Variants in CADPS2 observed in about 807,000 individuals in gnomAD.
The protein encoded by CADPS2 is calcium-dependent secretion activator 2.
CADPS2 carries 93 observed loss-of-function variants against 172.5 expected under a neutral mutation model. The ratio of observed to expected loss-of-function variants is 0.54; its 90% CI spans 0.46 to 0.64. The LOEUF (loss-of-function observed/expected upper bound fraction) is 0.64, where lower values mean the gene tolerates loss of function less well. CADPS2 is among the 30% of genes least tolerant of loss of function. CADPS2 has a pLI of 0.00. For synonymous variants in CADPS2, 546 were observed against 555.2 expected (o/e 0.98, Z 0.23); for missense variants, 1,420 against 1,565.9 (o/e 0.91, Z 1.57).
chr7:122,335,783 A>C (rs2035769222), intron 28 of CADPS2, among the ~76,000 whole-genome samples: 1 of 152,220 alleles, frequency 6.6e-6, no homozygotes. Flanking sequence ...TACAAAGTGC[A>C]GTTAAACAAA....
At position 122,709,683 on chromosome 7, in the gene CADPS2, G is replaced by T. The variant is rs182292335; in HGVS notation, c.453+27272C>A. On this transcript the variant is annotated intron_variant, in intron 2 of 29. Transcript: ENST00000449022. ...AAATGTCCAACAATGATAGACTGGA[G>T]TAAGAAAATATGGCATATATACACC... Among the ~76,000 whole-genome samples, 204 of 152,120 alleles carry T rather than the reference G, an allele frequency of 1.3e-3. 2 individuals are homozygous for T. The highest frequency in any genetic ancestry group is 0.013 in the East Asian group (67 of 5,162).
intron 8 of CADPS2, among the ~76,000 whole-genome samples, chr7:122,529,213 AT>A (rs2061545942): frequency 6.6e-6 from 1 of 151,780 alleles, no homozygotes; most frequent in African/African-American, 2.4e-5. Context: ...AGCACAGGAA[AT>A]CAGTACCTTC....
chr7:122,734,374 A>AAAG (rs2091962047), intron 2 of CADPS2, among the ~76,000 whole-genome samples: 13 of 94,512 alleles, frequency 1.4e-4, no homozygotes, highest in Non-Finnish European at 1.7e-4. Context: ...AAAAAAAAAA[A>AAAG]AAAAAAAAAA....
At chr7:122,328,783 T>C (rs1315498390) in intron 28 of CADPS2, among the ~76,000 whole-genome samples, 1 of 152,180 alleles carries the variant, frequency 6.6e-6, no homozygotes, top group Non-Finnish European at 1.5e-5. Context: ...TTATTCACAC[T>C]TATTGTGCAT....
intron 2 of CADPS2, among the ~76,000 whole-genome samples, chr7:122,693,672 G>C (rs1429268707): frequency 6.6e-6 from 1 of 152,202 alleles, no homozygotes; most frequent in African/African-American, 2.4e-5. Context: ...AAGGGAGTAA[G>C]AGGCTGGGCG....
chr7:122,864,061 A>G (rs952176912), intron 1 of CADPS2, among the ~76,000 whole-genome samples: 3 of 150,992 alleles, frequency 2.0e-5, no homozygotes, highest in Non-Finnish European at 4.4e-5. Flanking sequence ...GTAGATAGAG[A>G]TCTTCATGAG....
chr7:122,871,705 C>T (rs1819799495), intron 1 of CADPS2, among the ~76,000 whole-genome samples: 1 of 152,028 alleles, frequency 6.6e-6, no homozygotes, highest in Admixed American at 6.6e-5. Context: ...TTGCAAAATC[C>T]AATTAACATT....
intron 1 of CADPS2, among the ~76,000 whole-genome samples, chr7:122,754,158 T>C (rs1051451815): frequency 6.6e-6 from 1 of 152,220 alleles, no homozygotes; most frequent in Non-Finnish European, 1.5e-5. Context: ...TTAGTTTTCA[T>C]TGCAATTAAT....
At chr7:122,715,607 C>T (rs766373466) in intron 2 of CADPS2, among the ~76,000 whole-genome samples, 6 of 151,984 alleles carry the variant, frequency 3.9e-5, no homozygotes, top group Admixed American at 2.0e-4. Context: ...GCCTGTAAAA[C>T]GAAAGCTGCT....
At chr7:122,688,281 A>G (rs556867351) in intron 2 of CADPS2, among the ~76,000 whole-genome samples, 1 of 152,384 alleles carries the variant, frequency 6.6e-6, no homozygotes, top group South Asian at 2.1e-4. Context: ...AATTCACACC[A>G]GCAAGTGAAA....
intron 14 of CADPS2, among the ~76,000 whole-genome samples, chr7:122,456,354 A>T (rs2053778473): frequency 6.6e-6 from 1 of 152,114 alleles, no homozygotes; most frequent in Admixed American, 6.6e-5. Flanking sequence ...ATTAAATATT[A>T]AAGTGGTTCT....
At chr7:122,325,632 C>T (rs913412108) in intron 28 of CADPS2, 51 bp from the exon 29 acceptor site, 3 of 1,107,180 alleles carry the variant, frequency 2.7e-6, no homozygotes, top group African/African-American at 3.1e-5. Flanking sequence ...AAGAAAACAA[C>T]CTCTGCAGTA....
At chr7:122,768,128 A>T (rs2093609603) in intron 1 of CADPS2, among the ~76,000 whole-genome samples, 1 of 152,170 alleles carries the variant, frequency 6.6e-6, no homozygotes. Flanking sequence ...GTGAGGTTTA[A>T]AGCAGATACC....
chr7:122,773,348 A>G (rs1003546255), intron 1 of CADPS2, among the ~76,000 whole-genome samples: 1 of 152,014 alleles, frequency 6.6e-6, no homozygotes, highest in Non-Finnish European at 1.5e-5. Flanking sequence ...TAATAAATCA[A>G]TCTTTAGAAG....
rs12333763 is a variant in CADPS2, at chr7:122,524,887, G to T, written c.1476-11572C>A. Among the ~76,000 whole-genome samples the T allele has an allele frequency of 3.8e-3, 586 of 152,224 alleles. 5 individuals are homozygous for T. The highest frequency in any genetic ancestry group is 0.013 in the African/African-American group (553 of 41,534). ...TTTGGGGCTGGGTGTGGTGGTTCAC[G>T]CCTATAATCCCAGCACTTCGGAAGG... is the stretch of plus-strand genomic sequence containing the variant. On this transcript the variant is annotated intron_variant, in intron 8 of 29. Coordinates refer to ENST00000449022, the MANE Select transcript of CADPS2 (RefSeq NM_017954.11).
chr7:122,519,377 A>C (rs982057640), intron 8 of CADPS2, among the ~76,000 whole-genome samples: 1 of 151,956 alleles, frequency 6.6e-6, no homozygotes, highest in African/African-American at 2.4e-5. Context: ...TTCCCTTTGA[A>C]CAACAACAAC....
At chr7:122,732,892 A>G (rs1355500750) in intron 2 of CADPS2, among the ~76,000 whole-genome samples, 2 of 146,132 alleles carry the variant, frequency 1.4e-5, no homozygotes, top group Admixed American at 7.0e-5. Context: ...TGTATAATAT[A>G]TATTATATAA....
intron 7 of CADPS2, among the ~76,000 whole-genome samples, chr7:122,572,907 T>C (rs1441252867): frequency 6.6e-6 from 1 of 152,134 alleles, no homozygotes; most frequent in Admixed American, 6.6e-5. Context: ...AAAATCTCCA[T>C]ATGCCACCTC....
intron 1 of CADPS2, among the ~76,000 whole-genome samples, chr7:122,860,570 A>G (rs758626712): frequency 2.0e-5 from 3 of 152,120 alleles, no homozygotes; most frequent in Non-Finnish European, 4.4e-5. Context: ...TAATTGCAAC[A>G]TTTTAGAACC....
Sources: allele counts gnomAD v4.1 joint callset (sites outside exome capture counted in the v4.1 genomes callset), GRCh38; gene constraint gnomAD v4.1.1; transcripts MANE v1.5; gene names NCBI Gene and HGNC (gene_info 2026-07-23, HGNC 2026-07-21).